The following LAMB4 variants were observed in gnomAD, a reference collection of about 807,000 sequenced individuals.
LAMB4 encodes the protein laminin subunit beta-4.
Under a neutral mutation model 199.2 loss-of-function variants are expected in LAMB4, and 196 were observed. The observed-to-expected ratio is 0.98, with a 90% CI of 0.88 to 1.11. The LOEUF (loss-of-function observed/expected upper bound fraction) is 1.11. Ranked by LOEUF, LAMB4 falls within the 50% of genes least tolerant of loss-of-function variation. The pLI is 0.00. For synonymous variants in LAMB4, 744 were observed against 770.6 expected, an observed-to-expected ratio of 0.97 and a Z score of 0.57; for missense variants, 2,080 against 2,171.2, an observed-to-expected ratio of 0.96 and a Z score of 0.83.
intron 17 of LAMB4, among the ~76,000 whole-genome samples, chr7:108,073,011 G>T (rs2036584135): frequency 1.3e-5 from 2 of 152,120 alleles, no homozygotes; most frequent in African/African-American, 4.8e-5. Context: ...GTCAGCTATA[G>T]GAATTCTTTT....
chr7:108,058,600 C>T (rs936045009), intron 23 of LAMB4, among the ~76,000 whole-genome samples: 4 of 152,190 alleles, frequency 2.6e-5, no homozygotes, highest in African/African-American at 7.2e-5. Flanking sequence ...CCGTAAGTTT[C>T]CTGTGAATAA....
intron 2 of LAMB4, among the ~76,000 whole-genome samples, chr7:108,117,787 C>T (rs2038460494): frequency 6.6e-6 from 1 of 152,176 alleles, no homozygotes; most frequent in Admixed American, 6.5e-5. Flanking sequence ...CCATGTCTTC[C>T]CCTTTTAGAC....
chr7:108,056,536 C>T (rs565959842), intron 24 of LAMB4, among the ~76,000 whole-genome samples: 4 of 152,262 alleles, frequency 2.6e-5, no homozygotes, highest in South Asian at 2.1e-4. Flanking sequence ...TGACTCCACA[C>T]GGTACTTTCT....
intron 14 of LAMB4, among the ~76,000 whole-genome samples, chr7:108,090,294 C>A (rs1421750537): frequency 6.6e-6 from 1 of 152,194 alleles, no homozygotes; most frequent in Non-Finnish European, 1.5e-5. Context: ...ATCATACCCT[C>A]AGCAGAGAAC....
Position 108,116,850 on chromosome 7 carries a change from T to G in LAMB4, c.35-689A>C, listed in dbSNP as rs184466843. Among the ~76,000 whole-genome samples, 4 of 152,190 alleles carry G rather than the reference T, an allele frequency of 2.6e-5. No homozygotes were observed. In the East Asian group the frequency reaches 7.7e-4, roughly 29 times the overall value. On this transcript the variant is annotated intron_variant, in intron 2 of 33. Coordinates refer to ENST00000388781, the MANE Select transcript of LAMB4 (RefSeq NM_007356.3). ...GAGCTCAAGACCAGCTTCTTCAATA[T>G]AGTGAGACTCCCATCTCCACAAAAA... is the stretch of plus-strand genomic sequence containing the variant.
intron 4 of LAMB4, among the ~76,000 whole-genome samples, chr7:108,109,731 G>T (rs2038150084): frequency 6.6e-6 from 1 of 152,136 alleles, no homozygotes; most frequent in Non-Finnish European, 1.5e-5. Flanking sequence ...TTGGAGTGGG[G>T]ACCTGTGGGC....
chr7:108,037,844 C>A (rs1222287243), intron 29 of LAMB4, among the ~76,000 whole-genome samples: 1 of 152,176 alleles, frequency 6.6e-6, no homozygotes, highest in African/African-American at 2.4e-5. Flanking sequence ...AAACAAAATA[C>A]TAAAGACTTG....
intron 31 of LAMB4, among the ~76,000 whole-genome samples, 194 bp downstream of exon 31, chr7:108,034,014 G>A (rs1229587965): frequency 3.3e-5 from 5 of 152,044 alleles, no homozygotes; most frequent in African/African-American, 1.2e-4. Context: ...CCCAGAATTG[G>A]TCGCAATTAA....
intron 29 of LAMB4, among the ~76,000 whole-genome samples, chr7:108,042,633 T>A (rs1263582082): frequency 6.6e-6 from 1 of 152,162 alleles, no homozygotes; most frequent in Non-Finnish European, 1.5e-5. Context: ...TTACTGACTA[T>A]TTTTGTCAAA....
intron 12 of LAMB4, among the ~76,000 whole-genome samples, chr7:108,093,034 C>A (rs1035683404): frequency 6.6e-6 from 1 of 152,198 alleles, no homozygotes; most frequent in Non-Finnish European, 1.5e-5. Context: ...TAAATCCTAT[C>A]GGAATAGAAG....
At position 108,079,648 on chromosome 7, in the gene LAMB4, T is replaced by C; in HGVS notation, c.1840A>G (p.Ile614Val). The change falls in exon 15 of 34, where the codon ATT becomes GTT. Residue 614 changes from isoleucine to valine, a missense_variant. Physicochemically the swap from Ile to Val is conservative, Grantham distance 29. Coordinates refer to ENST00000388781, the MANE Select transcript of LAMB4 (RefSeq NM_007356.3). ...GAGLRFAVNN[I>V]PFPVDFTIAI... ...ATGGTGAAGTCCACAGGAAAGGGAA[T>C]GTTGTTGACAGCAAATCTCAAGCCA... The C allele has an allele frequency of 1.2e-6, 2 of 1,613,060 alleles. No homozygotes were observed. Among genetic ancestry groups the C allele is most frequent in the South Asian group, 1.1e-5 (1 of 90,688 alleles).
intron 33 of LAMB4, chr7:108,026,748 C>T (rs945748550): frequency 3.1e-5 from 10 of 324,320 alleles, no homozygotes; most frequent in African/African-American, 2.0e-4. Context: ...TCCCCACTCT[C>T]TCAACATTGT....
At chr7:108,130,194 A>G (rs1406575272) in intron 1 of LAMB4, 112 bp downstream of exon 1, 3 of 152,186 alleles carry the variant, frequency 2.0e-5, no homozygotes, top group Non-Finnish European at 4.4e-5. Context: ...TCTATGTGCT[A>G]ATATGTCCCA....
intron 29 of LAMB4, among the ~76,000 whole-genome samples, chr7:108,042,499 C>G (rs2035452942): frequency 6.6e-6 from 1 of 151,734 alleles, no homozygotes; most frequent in East Asian, 1.9e-4. Context: ...TGTTTTGGTG[C>G]CTTCTTAGTT....
Position 108,055,942 on chromosome 7 carries a change from A to C in LAMB4, c.3445T>G (p.Cys1149Gly), listed in dbSNP as rs201386338. 1.8e-4 allele frequency: 295 copies of C among 1,614,208 alleles called. 1 individual carries two copies. The highest frequency in any genetic ancestry group is 1.1e-3 in the South Asian group (102 of 91,086). The change falls in exon 25 of 34, where the codon TGC (cysteine) becomes GGC (glycine). Residue 1149 changes from cysteine to glycine, a missense_variant. By Grantham distance (159) the Cys-to-Gly change is radical. Transcript: ENST00000388781. The stretch of plus-strand genomic sequence containing the variant: ...CTCTGGCCGCTGACACCCTCCCGGC[A>C]GCGGCACATGCCTGTGTCTGGATCA... ...ICDPDTGMCR[C>G]REGVSGQRCD...
chr7:108,121,770 C>T (rs902869676), intron 2 of LAMB4, among the ~76,000 whole-genome samples: 5 of 148,644 alleles, frequency 3.4e-5, no homozygotes, highest in African/African-American at 5.0e-5. Flanking sequence ...AAAAAAAGAA[C>T]GCATGTAGAT....
chr7:108,082,315 G>A (rs1276144188), intron 14 of LAMB4, among the ~76,000 whole-genome samples: 1 of 139,280 alleles, frequency 7.2e-6, no homozygotes, highest in Non-Finnish European at 1.5e-5. Flanking sequence ...GGGCGAAAGA[G>A]CGAGACTCCG....
At chr7:108,062,467 C>A (rs1467509815) in intron 23 of LAMB4, 1 of 199,836 alleles carries the variant, frequency 5.0e-6, no homozygotes, top group African/African-American at 2.3e-5. Flanking sequence ...CTTAGGTCTT[C>A]CCTATGGTTA....
intron 21 of LAMB4, among the ~76,000 whole-genome samples, chr7:108,064,806 T>G (rs2150551582): frequency 6.6e-6 from 1 of 152,308 alleles, no homozygotes; most frequent in East Asian, 1.9e-4. Context: ...TTGCCATAAG[T>G]TCTACATATC....
Sources: gnomAD v4.1 joint callset for allele counts (sites outside exome capture counted in the v4.1 genomes callset) on GRCh38, gnomAD v4.1.1 for gene constraint, MANE v1.5 for transcripts, NCBI Gene and HGNC (gene_info 2026-07-23, HGNC 2026-07-21) for gene names.